Variants in RNF17 observed in about 807,000 individuals in gnomAD.
RNF17 encodes the protein spermatogenesis associated 23.
Under a neutral mutation model 200.5 loss-of-function variants are expected in RNF17, and 31 were observed. The observed-to-expected ratio is 0.15, with a 90% confidence interval of 0.12 to 0.21. The LOEUF (loss-of-function observed/expected upper bound fraction) is 0.21, where lower values mean the gene tolerates loss of function less well. Ranked by LOEUF, RNF17 falls within the 10% of genes least tolerant of loss-of-function variation. RNF17 has a pLI of 1.00. For synonymous variants in RNF17, 606 were observed against 637.8 expected, an observed-to-expected ratio of 0.95 and a Z score of 0.75; for missense variants, 1,628 against 1,905.1, an observed-to-expected ratio of 0.85 and a Z score of 2.71.
chr13:24,885,733 T>A, the RNF17 span: 3 of 1,127,864 alleles, frequency 2.7e-6, no homozygotes, highest in Non-Finnish European at 4.0e-6. Flanking sequence ...ATTAGTATGA[T>A]CACACATTTC....
At chr13:24,782,605 TGG>T (rs35537767) in intron 6 of RNF17, among the ~76,000 whole-genome samples, 6 of 149,702 alleles carry the variant, frequency 4.0e-5, no homozygotes, top group South Asian at 2.1e-4. Flanking sequence ...GAGGCTGAGA[TGG>T]GGGGGGGATC....
Position 24,778,361 on chromosome 13 carries a change from A to G in RNF17, c.384A>G (p.Ser128=), listed in dbSNP as rs751837529. The change falls in exon 4 of 36, where the codon TCA becomes TCG. Residue 128 remains serine (S), a synonymous_variant. Transcript: ENST00000255324. ...ADQLTTGLER[S]ASTDKTLLNS... ...AGCTAACTACTGGTTTAGAACGTTC[A>G]GCCTCCACAGACAAGACTCTTTTGA... 2.5e-6 allele frequency: 4 copies of G among 1,613,758 alleles called. No homozygotes were observed. In the African/African-American group the frequency reaches 4.0e-5, roughly 16 times the overall value.
chr13:24,770,544 T>A (rs1593207043), intron 2 of RNF17, among the ~76,000 whole-genome samples: 1 of 152,158 alleles, frequency 6.6e-6, no homozygotes, highest in East Asian at 1.9e-4. Context: ...GAAATAAAGT[T>A]TTTAAACCCC....
intron 26 of RNF17, among the ~76,000 whole-genome samples, chr13:24,859,651 T>C (rs1289558777): frequency 6.6e-6 from 1 of 151,940 alleles, no homozygotes; most frequent in Non-Finnish European, 1.5e-5. Flanking sequence ...TCTAATACAT[T>C]GTATTTACTA....
chr13:24,871,789 C>T (rs1013330534), intron 32 of RNF17, among the ~76,000 whole-genome samples: 11 of 151,770 alleles, frequency 7.2e-5, no homozygotes, highest in East Asian at 5.8e-4. Context: ...CGCGCCACCA[C>T]GCCCAGCTAA....
chr13:24,887,304 C>T, the RNF17 span, among the ~76,000 whole-genome samples: 2 of 152,200 alleles, frequency 1.3e-5, no homozygotes, highest in Admixed American at 1.3e-4. Context: ...CCAAACCCCA[C>T]GGTATACTGG....
intron 32 of RNF17, 24 bp from the exon 33 acceptor site, chr13:24,874,090 T>A: frequency 6.2e-7 from 1 of 1,602,790 alleles, no homozygotes; most frequent in Non-Finnish European, 8.5e-7. Flanking sequence ...CAATATGATT[T>A]TTTCCCTTTT....
chr13:24,859,090 G>A lies in RNF17; in HGVS notation c.3700G>A (p.Ala1234Thr). Residue 1234 changes from alanine to threonine, a missense_variant, in exon 26 of 36, where the codon GCA becomes ACA. Around this residue, in one of 5 missense-constraint regions of RNF17, gnomAD observed 609 missense variants for 681.9 expected, o/e 0.89. Coordinates refer to ENST00000255324, the MANE Select transcript of RNF17 (RefSeq NM_031277.3). The part of the protein sequence containing the change: ...LEPYFWKKGE[A>T]CAVRGSDTLW... ...GCCTTATTTCTGGAAAAAAGGAGAA[G>A]CATGTGCAGTAAGAGGATCCGATAC... is the stretch of plus-strand genomic sequence containing the variant. 1 of 1,613,244 alleles carries A rather than the reference G, an allele frequency of 6.2e-7. No homozygotes were observed.
In RNF17 at chr13:24,779,878, A is replaced by G. The variant is rs974866975; in HGVS notation, c.510+131A>G. 1.1e-4 allele frequency: 67 copies of G among 610,064 alleles called. No individual in the cohort carries two copies. The African/African-American group carries it at 1.2e-3, about 11-fold the overall frequency. The allele number at this position is 610,064 out of a possible 1,614,324, so 37.8% of individuals were successfully genotyped here. A position where few individuals can be genotyped will look rare whatever the true frequency, so the allele number is the denominator to read the frequency against. On this transcript the variant is annotated intron_variant, in intron 5 of 35. Transcript: ENST00000255324. ...ATTAAGCATGATAATCTAAAAAAGA[A>G]TGGAAAACTTTTCCCATAGCCTGCC...
chr13:24,772,344 G>A (rs1051244210), intron 2 of RNF17, among the ~76,000 whole-genome samples: 19 of 150,352 alleles, frequency 1.3e-4, no homozygotes, highest in Non-Finnish European at 2.5e-4. Context: ...TTTTCCATAC[G>A]TATTTTAGAA....
At chr13:24,837,997 G>T (rs1214876506) in intron 18 of RNF17, among the ~76,000 whole-genome samples, 1 of 152,116 alleles carries the variant, frequency 6.6e-6, no homozygotes, top group Non-Finnish European at 1.5e-5. Context: ...GCTAAGAAAT[G>T]AAACAGGAGA....
intron 18 of RNF17, among the ~76,000 whole-genome samples, chr13:24,837,604 AAAAC>A (rs1890153704): frequency 6.6e-6 from 1 of 152,190 alleles, no homozygotes; most frequent in South Asian, 2.1e-4. Context: ...CATTGGGTCA[AAAAC>A]AAAATCAAGA....
chr13:24,782,341 A>G (rs1351897104), intron 6 of RNF17, among the ~76,000 whole-genome samples: 4 of 151,466 alleles, frequency 2.6e-5, no homozygotes, highest in South Asian at 2.1e-4. Context: ...ACATCCAGCT[A>G]ATTTTGTGTT....
In RNF17 at chr13:24,804,341, A is replaced by T; in HGVS notation, c.2003A>T (p.Tyr668Phe). 1 of 1,611,510 alleles carries T rather than the reference A, an allele frequency of 6.2e-7. No homozygotes were observed. The highest frequency in any genetic ancestry group is 1.1e-5 in the South Asian group (1 of 91,012). The change falls in exon 15 of 36, where the codon TAT (tyrosine) becomes TTT (phenylalanine). Residue 668 changes from tyrosine to phenylalanine, a missense_variant. Physicochemically the swap from Tyr to Phe is conservative, Grantham distance 22. This residue lies in a region of RNF17 where 289 missense variants were observed against 384.9 expected (regional missense o/e 0.75). Coordinates refer to ENST00000255324, the MANE Select transcript of RNF17 (RefSeq NM_031277.3). ...TTTGAAAAAAATACTACTTTACACT[A>T]TCATCCACCTATTTTGCCTAAAGAA... is the stretch of plus-strand genomic sequence containing the variant. ...SHFEKNTTLH[Y>F]HPPILPKEMT...
At chr13:24,813,541 G>C (rs1427842203) in intron 15 of RNF17, among the ~76,000 whole-genome samples, 3 of 152,158 alleles carry the variant, frequency 2.0e-5, no homozygotes, top group African/African-American at 7.2e-5. Context: ...ATTCTTATGA[G>C]ATATATGACT....
At chr13:24,795,719 T>C (rs1201659997) in intron 10 of RNF17, among the ~76,000 whole-genome samples, 1 of 152,084 alleles carries the variant, frequency 6.6e-6, no homozygotes, top group Non-Finnish European at 1.5e-5. Flanking sequence ...ATAGGTAGAG[T>C]ATAGATGGAA....
chr13:24,860,846 A>C (rs1893017837), intron 26 of RNF17, among the ~76,000 whole-genome samples: 1 of 151,556 alleles, frequency 6.6e-6, no homozygotes, highest in Non-Finnish European at 1.5e-5. Context: ...TTTCCTGGAA[A>C]TTTTTGAAAT....
downstream of RNF17, chr13:24,883,221 C>T (rs1476181384): frequency 5.6e-6 from 9 of 1,614,092 alleles, no homozygotes; most frequent in East Asian, 1.8e-4. Context: ...TTGTCCTTAA[C>T]TCTTATCCGA....
chr13:24,808,928 T>C (rs1383590102), intron 15 of RNF17, among the ~76,000 whole-genome samples: 23 of 145,418 alleles, frequency 1.6e-4, no homozygotes, highest in African/African-American at 5.9e-4. Flanking sequence ...TTTGGTTCTG[T>C]TTATATGCTG....
Sources: allele counts gnomAD v4.1 joint callset (sites outside exome capture counted in the v4.1 genomes callset), GRCh38; gene constraint gnomAD v4.1.1; regional missense constraint gnomAD v4.1.1; transcripts MANE v1.5; gene names NCBI Gene and HGNC (gene_info 2026-07-23, HGNC 2026-07-21).